DRICH1: variants seen among roughly 807,000 people sequenced by gnomAD.
DRICH1 encodes the protein aspartate rich 1, also known as aspartate-rich protein 1.
DRICH1 carries 38 observed loss-of-function variants against 39.5 expected under a neutral mutation model. The ratio of observed to expected loss-of-function variants is 0.96; its 90% CI spans 0.74 to 1.26. The LOEUF is 1.26. Ranked by LOEUF, DRICH1 falls within the 50% of genes most tolerant of loss-of-function variation. The probability of loss-of-function intolerance (pLI) is 0.00; values close to 1 mark genes in which losing one functional copy is unlikely to be tolerated. For missense variants in DRICH1, 279 were observed against 270.4 expected, an observed-to-expected ratio of 1.03 and a Z score of -0.22; for synonymous variants, 84 against 99.5, an observed-to-expected ratio of 0.84 and a Z score of 0.93.
the DRICH1 span, among the ~76,000 whole-genome samples, chr22:23,598,311 G>C: frequency 6.8e-6 from 1 of 147,832 alleles, no homozygotes; most frequent in Admixed American, 6.7e-5. Flanking sequence ...CACAGGCCCA[G>C]GCAAGAACTG....
At chr22:23,622,234 A>G (rs1927788558) in intron 3 of DRICH1, 58 bp from the exon 4 acceptor site, 1 of 1,500,142 alleles carries the variant, frequency 6.7e-7, no homozygotes, top group Non-Finnish European at 9.3e-7. Flanking sequence ...TGAGTCACTC[A>G]GGGAGCTTTG....
chr22:23,612,074 C>T (rs935813381), intron 11 of DRICH1, among the ~76,000 whole-genome samples: 1 of 152,194 alleles, frequency 6.6e-6, no homozygotes. Flanking sequence ...ATGCCCCCTT[C>T]TAACAGTCTA....
At chr22:23,588,690 G>T in the DRICH1 span, among the ~76,000 whole-genome samples, 3 of 152,184 alleles carry the variant, frequency 2.0e-5, no homozygotes, top group Non-Finnish European at 2.9e-5. Context: ...TCCTGGGCAG[G>T]CCCAGCCCCT....
At chr22:23,616,643 G>A (rs1487215814) in intron 8 of DRICH1, among the ~76,000 whole-genome samples, 1 of 152,156 alleles carries the variant, frequency 6.6e-6, no homozygotes, top group African/African-American at 2.4e-5. Flanking sequence ...TACTCCAGGT[G>A]AAGACACACT....
downstream of DRICH1, among the ~76,000 whole-genome samples, chr22:23,606,046 C>T (rs1926711341): frequency 6.6e-6 from 1 of 150,608 alleles, no homozygotes; most frequent in Non-Finnish European, 1.5e-5. Context: ...TGCACTCCCG[C>T]CTCAAAAAAA....
intron 3 of DRICH1, chr22:23,623,771 C>CTTCTGA (rs1422764968): frequency 5.2e-6 from 1 of 191,592 alleles, no homozygotes; most frequent in African/African-American, 2.4e-5. Flanking sequence ...ATTCAGACAG[C>CTTCTGA]ATGCTTCTAG....
intron 11 of DRICH1, among the ~76,000 whole-genome samples, chr22:23,612,568 G>C (rs1927103995): frequency 6.6e-6 from 1 of 151,728 alleles, no homozygotes; most frequent in South Asian, 2.1e-4. Flanking sequence ...GAAATAGTGT[G>C]ATACTATCTT....
chr22:23,621,611 GTCATTA>G (rs1422098787), intron 4 of DRICH1, among the ~76,000 whole-genome samples: 1 of 152,082 alleles, frequency 6.6e-6, no homozygotes, highest in African/African-American at 2.4e-5. Context: ...TTGCAAGACT[GTCATTA>G]AAAGTCTCAC....
At chr22:23,609,028 C>T (rs1185199489) in intron 11 of DRICH1, among the ~76,000 whole-genome samples, 2 of 152,182 alleles carry the variant, frequency 1.3e-5, no homozygotes, top group Admixed American at 1.3e-4. Flanking sequence ...CTCCAAGGCC[C>T]ATTTACCGTT....
chr22:23,623,373 C>T (rs1443230666), intron 3 of DRICH1, among the ~76,000 whole-genome samples: 1 of 151,798 alleles, frequency 6.6e-6, no homozygotes. Context: ...TCACTGCACC[C>T]CAGTATGGTG....
intron 11 of DRICH1, among the ~76,000 whole-genome samples, chr22:23,611,474 C>T (rs1408601839): frequency 1.3e-5 from 2 of 149,882 alleles, no homozygotes; most frequent in Non-Finnish European, 1.5e-5. Flanking sequence ...TCACTGCAAA[C>T]TCCGCCTCCC....
chr22:23,604,906 A>C (rs1926649453), downstream of DRICH1, among the ~76,000 whole-genome samples: 1 of 152,218 alleles, frequency 6.6e-6, no homozygotes, highest in Non-Finnish European at 1.5e-5. Flanking sequence ...TTTGGAATAA[A>C]GTACATGGCC....
chr22:23,599,857 T>G, the DRICH1 span, among the ~76,000 whole-genome samples: 1 of 152,132 alleles, frequency 6.6e-6, no homozygotes, highest in Non-Finnish European at 1.5e-5. Context: ...CAGGGACAAG[T>G]ACTCCCAGGG....
intron 9 of DRICH1, 69 bp downstream of exon 9, chr22:23,614,066 A>T (rs1927200822): frequency 1.9e-6 from 2 of 1,078,104 alleles, no homozygotes; most frequent in Non-Finnish European, 2.9e-6. Flanking sequence ...TTCATATCAA[A>T]ATTAATTGAG....
chr22:23,604,129 C>G (rs920828918), downstream of DRICH1, among the ~76,000 whole-genome samples: 2 of 152,126 alleles, frequency 1.3e-5, no homozygotes, highest in Admixed American at 6.5e-5. Flanking sequence ...CCCACCCATC[C>G]AACTCTGGTC....
chr22:23,591,609 C>T, the DRICH1 span, among the ~76,000 whole-genome samples: 2 of 152,064 alleles, frequency 1.3e-5, no homozygotes, highest in Admixed American at 6.5e-5. Flanking sequence ...GGGAAGAAAC[C>T]CAAGGGCAGG....
chr22:23,618,882 TC>T (rs1258788805), intron 6 of DRICH1, among the ~76,000 whole-genome samples: 3 of 152,094 alleles, frequency 2.0e-5, no homozygotes, highest in Admixed American at 1.3e-4. Context: ...GTATAAGATA[TC>T]ACAAATTTGT....
chr22:23,610,471 C>A (rs1158791371), intron 11 of DRICH1: 2 of 152,226 alleles, frequency 1.3e-5, no homozygotes, highest in Non-Finnish European at 2.9e-5. Flanking sequence ...TTCCAAGATC[C>A]CCTCACTGGA....
the DRICH1 span, among the ~76,000 whole-genome samples, chr22:23,595,862 C>A: frequency 4.6e-5 from 7 of 152,144 alleles, no homozygotes; most frequent in African/African-American, 7.2e-5. Flanking sequence ...ACTGAGAGGA[C>A]AAGTTGACTC....
Sources: allele counts gnomAD v4.1 joint callset (sites outside exome capture counted in the v4.1 genomes callset), GRCh38; gene constraint gnomAD v4.1.1; transcripts MANE v1.5; gene names NCBI Gene and HGNC (gene_info 2026-07-23, HGNC 2026-07-21).